Variants in SMCHD1 observed in about 807,000 individuals in gnomAD.
The protein encoded by SMCHD1 is structural maintenance of chromosomes flexible hinge domain containing 1.
Under a neutral mutation model 254.7 loss-of-function variants are expected in SMCHD1, and 78 were observed. The ratio of observed to expected loss-of-function variants is 0.31; its 90% CI spans 0.26 to 0.37. The LOEUF (loss-of-function observed/expected upper bound fraction) is 0.37, where lower values mean the gene tolerates loss of function less well. Among genes scored for constraint, SMCHD1 ranks in the 10% least tolerant of loss-of-function variants. SMCHD1 has a pLI of 1.00. For missense variants in SMCHD1, 1,840 were observed against 2,408.1 expected (o/e 0.76, Z 4.94); for synonymous variants, 766 against 794.9 (o/e 0.96, Z 0.61).
chr18:2,752,630 C>T, intron 34 of SMCHD1, 78 bp downstream of exon 34: 2 of 874,842 alleles, frequency 2.3e-6, no homozygotes, highest in Admixed American at 2.9e-5. Context: ...TATGTGGGCT[C>T]ACCTGAGGAA....
At chr18:2,749,413 G>A (rs1385088355) in intron 30 of SMCHD1, among the ~76,000 whole-genome samples, 1 of 152,138 alleles carries the variant, frequency 6.6e-6, no homozygotes, top group Non-Finnish European at 1.5e-5. Context: ...GTTAGACAAT[G>A]ATTACTTTCA....
chr18:2,773,567 C>A (rs565609145), intron 41 of SMCHD1, among the ~76,000 whole-genome samples: 91 of 152,274 alleles, frequency 6.0e-4, no homozygotes, highest in African/African-American at 2.1e-3. Context: ...ACAGTCCCTC[C>A]ATGTCATCCT....
intron 29 of SMCHD1, among the ~76,000 whole-genome samples, chr18:2,744,499 C>T (rs2075410779): frequency 6.6e-6 from 1 of 151,734 alleles, no homozygotes. Context: ...TTGTGTACAA[C>T]ATATTTTGAA....
At chr18:2,675,508 C>T (rs922263142) in intron 5 of SMCHD1, among the ~76,000 whole-genome samples, 1 of 152,106 alleles carries the variant, frequency 6.6e-6, no homozygotes, top group Admixed American at 6.5e-5. Context: ...GGTGATCCGC[C>T]CTCCTCAGCC....
chr18:2,750,684 A>G (rs1012111760), intron 32 of SMCHD1, among the ~76,000 whole-genome samples, 177 bp downstream of exon 32: 2 of 152,178 alleles, frequency 1.3e-5, no homozygotes, highest in African/African-American at 4.8e-5. Flanking sequence ...TTTGTTTTAC[A>G]CAAATAATTT....
chr18:2,768,943 T>C (rs1332343327), intron 37 of SMCHD1, among the ~76,000 whole-genome samples: 1 of 152,232 alleles, frequency 6.6e-6, no homozygotes, highest in East Asian at 1.9e-4. Context: ...CTGTGAGCTG[T>C]AATTTATAAT....
At chr18:2,734,227 T>A (rs973622136) in intron 25 of SMCHD1, among the ~76,000 whole-genome samples, 11 of 152,180 alleles carry the variant, frequency 7.2e-5, no homozygotes, top group Non-Finnish European at 1.5e-4. Flanking sequence ...TAAGCAGATT[T>A]GAAGGTAAGT....
At chr18:2,799,244 A>G (rs975333334) in intron 47 of SMCHD1, among the ~76,000 whole-genome samples, 1 of 152,178 alleles carries the variant, frequency 6.6e-6, no homozygotes, top group Non-Finnish European at 1.5e-5. Flanking sequence ...AAAATGATTA[A>G]TGAGCTATTT....
At chr18:2,678,303 C>CTT (rs554708832) in intron 5 of SMCHD1, among the ~76,000 whole-genome samples, 25,227 of 126,024 alleles carry the variant, frequency 0.2, 2,700 homozygotes, top group South Asian at 0.32. Context: ...TTCTTTCTTC[C>CTT]TTTTTTTTTT....
At chr18:2,759,715 G>C (rs148825312) in intron 34 of SMCHD1, among the ~76,000 whole-genome samples, 1 of 151,208 alleles carries the variant, frequency 6.6e-6, no homozygotes, top group Non-Finnish European at 1.5e-5. Context: ...GACTACAGGC[G>C]CACACCACCA....
chr18:2,752,704 G>T, intron 34 of SMCHD1, 152 bp downstream of exon 34: 1 of 577,342 alleles, frequency 1.7e-6, no homozygotes, highest in Non-Finnish European at 3.1e-6. Flanking sequence ...TTTGGGAAAA[G>T]GTGTGTTTTC....
chr18:2,681,623 T>C (rs1759744705), intron 5 of SMCHD1, among the ~76,000 whole-genome samples: 1 of 147,746 alleles, frequency 6.8e-6, no homozygotes, highest in African/African-American at 2.5e-5. Context: ...TAACATTACA[T>C]AAACCTAGAA....
At chr18:2,678,844 T>G (rs2073846200) in intron 5 of SMCHD1, among the ~76,000 whole-genome samples, 1 of 10,910 alleles carries the variant, frequency 9.2e-5, no homozygotes, top group Admixed American at 3.6e-3. Flanking sequence ...TTTTTGTTTG[T>G]TTGTTTTTTT....
chr18:2,732,331 C>T lies in SMCHD1; in HGVS notation c.3115C>T (p.Leu1039=). ...GCTTCCCAGTAGCCATGTTGCAAGACTACAAATATTCAGTGTAGAAGGACA... is the reference window on the plus strand; with the variant it reads ...GCTTCCCAGTAGCCATGTTGCAAGATTACAAATATTCAGTGTAGAAGGACA... ...KLLPSSHVAR[L]QIFSVEGQKA... The change falls in exon 25 of 48, where the codon CTA becomes TTA. Residue 1039 remains leucine (L), a synonymous_variant. Coordinates refer to ENST00000320876, the MANE Select transcript of SMCHD1 (RefSeq NM_015295.3). 6.2e-7 allele frequency: 1 copy of T among 1,613,758 alleles called. No individual in the cohort carries two copies. The highest frequency in any genetic ancestry group is 1.3e-5 in the African/African-American group (1 of 75,010).
intron 3 of SMCHD1, among the ~76,000 whole-genome samples, chr18:2,668,293 C>T (rs1413525317): frequency 6.6e-6 from 1 of 152,170 alleles, no homozygotes; most frequent in Non-Finnish European, 1.5e-5. Context: ...TGTAACACTA[C>T]CACTGCTGTC....
rs766800112 is a variant in SMCHD1 at position 2,722,679 on chromosome 18, A to G, written c.2603+16A>G. The G allele has an allele frequency of 8.2e-5, 132 of 1,600,596 alleles. 1 individual carries two copies. In the South Asian group the frequency reaches 1.4e-3, roughly 17 times the overall value. Reference sequence around the variant, plus strand: ...TTGAAGCAAGGTAATTTGAAGGATCAATATGTATTTGTCCTTTGATATTTG... The same window carrying G: ...TTGAAGCAAGGTAATTTGAAGGATCGATATGTATTTGTCCTTTGATATTTG... On this transcript the variant is annotated intron_variant, in intron 20 of 47. Transcript: ENST00000320876.
At chr18:2,734,638 C>A (rs1685710810) in intron 25 of SMCHD1, among the ~76,000 whole-genome samples, 1 of 111,998 alleles carries the variant, frequency 8.9e-6, no homozygotes, top group African/African-American at 3.5e-5. Flanking sequence ...GGAACTCTTG[C>A]TTGCTTATTT....
intron 30 of SMCHD1, among the ~76,000 whole-genome samples, chr18:2,748,834 A>C (rs992069092): frequency 1.3e-5 from 2 of 152,220 alleles, no homozygotes; most frequent in African/African-American, 4.8e-5. Context: ...ATAAAAAATA[A>C]ATATAAATGT....
chr18:2,754,430 C>T (rs1255813050), intron 34 of SMCHD1, among the ~76,000 whole-genome samples: 1 of 152,154 alleles, frequency 6.6e-6, no homozygotes, highest in Non-Finnish European at 1.5e-5. Flanking sequence ...AAAGCAGACA[C>T]AGAGGAAGCT....
Sources: gnomAD v4.1 joint callset for allele counts (sites outside exome capture counted in the v4.1 genomes callset) on GRCh38, gnomAD v4.1.1 for gene constraint, MANE v1.5 for transcripts, NCBI Gene and HGNC (gene_info 2026-07-23, HGNC 2026-07-21) for gene names.